Variants in PAG1 observed in about 807,000 individuals in gnomAD.
The protein encoded by PAG1 is phosphoprotein associated with glycosphingolipid-enriched microdomains 1.
In PAG1, 23 loss-of-function variants were observed where a neutral mutation model predicts 31.7. That is an observed-to-expected ratio of 0.73 (90% confidence interval 0.52 to 1.03). PAG1 has a LOEUF of 1.03. Among genes scored for constraint, PAG1 ranks in the 50% least tolerant of loss-of-function variants. The pLI is 0.00. For missense variants in PAG1, 473 were observed against 540.7 expected (o/e 0.87, Z 1.24); for synonymous variants, 214 against 210.3 (o/e 1.02, Z -0.15).
chr8:81,097,468 T>C (rs182572925), intron 1 of PAG1, among the ~76,000 whole-genome samples: 198 of 152,248 alleles, frequency 1.3e-3, no homozygotes, highest in African/African-American at 4.6e-3. Context: ...AGTTTAGCTC[T>C]TGAAAGCTGG....
intron 3 of PAG1, among the ~76,000 whole-genome samples, chr8:81,019,008 A>T (rs118185512): frequency 0.023 from 3,437 of 152,302 alleles, 94 homozygotes; most frequent in East Asian, 0.11. Flanking sequence ...ATGGACAATA[A>T]AGTCCCTGCT....
At chr8:81,074,386 T>A (rs1470575861) in intron 1 of PAG1, among the ~76,000 whole-genome samples, 2 of 151,862 alleles carry the variant, frequency 1.3e-5, no homozygotes, top group Non-Finnish European at 2.9e-5. Flanking sequence ...TAACACAAGA[T>A]CATGGAATCT....
At chr8:80,981,862 C>CTTTTTTTTTTTTTT (rs57438015) in intron 7 of PAG1, among the ~76,000 whole-genome samples, 1 of 103,426 alleles carries the variant, frequency 9.7e-6, no homozygotes, top group African/African-American at 5.0e-5. Context: ...ATCTCACTTC[C>CTTTTTTTTTTTTTT]TTTTTTTTTT....
chr8:81,056,334 A>G lies in PAG1; in HGVS notation c.-175+13778T>C, dbSNP rs536444367. Among the ~76,000 whole-genome samples, 8 of 152,348 alleles carry G rather than the reference A, an allele frequency of 5.3e-5. No homozygotes were observed. In the East Asian group the frequency reaches 1.5e-3, roughly 29 times the overall value. On this transcript the variant is annotated intron_variant, in intron 2 of 8. Coordinates refer to ENST00000220597, the MANE Select transcript of PAG1 (RefSeq NM_018440.4). ...ACTTCAAACTATACTACGAGGCTAC[A>G]GTAACCAAAACAGCATGGTACTGGT...
chr8:81,109,216 G>C (rs1275485125), intron 1 of PAG1, among the ~76,000 whole-genome samples: 1 of 152,250 alleles, frequency 6.6e-6, no homozygotes, highest in African/African-American at 2.4e-5. Context: ...CAATAATTAT[G>C]ATCATTTCTG....
intron 2 of PAG1, among the ~76,000 whole-genome samples, chr8:81,056,742 C>T (rs1302724004): frequency 1.3e-5 from 2 of 152,124 alleles, no homozygotes; most frequent in African/African-American, 4.8e-5. Flanking sequence ...AACTAAAGAG[C>T]TTCTGCAGAG....
chr8:81,026,987 C>T (rs1563634371), intron 3 of PAG1, among the ~76,000 whole-genome samples: 1 of 152,086 alleles, frequency 6.6e-6, no homozygotes, highest in Non-Finnish European at 1.5e-5. Flanking sequence ...TGATGTACTT[C>T]AAAATATCAT....
rs577055058 is a variant in PAG1 at position 81,014,023 on chromosome 8, A to C, written c.-81+15973T>G. On this transcript the variant is annotated intron_variant, in intron 3 of 8. Coordinates refer to ENST00000220597, the MANE Select transcript of PAG1 (RefSeq NM_018440.4). The stretch of plus-strand genomic sequence containing the variant: ...TTGCATTGACATTTTATTTACTAAA[A>C]AATCATTGCGGTAATTTAAAATATT... 5.3e-5 allele frequency among the ~76,000 whole-genome samples: 8 copies of C among 152,334 alleles called. No homozygotes were observed. In the South Asian group the frequency reaches 1.7e-3, roughly 32 times the overall value.
intron 2 of PAG1, among the ~76,000 whole-genome samples, chr8:81,055,125 G>A (rs1808796562): frequency 6.8e-6 from 1 of 146,902 alleles, no homozygotes; most frequent in African/African-American, 2.6e-5. Context: ...GTGAGGCAGT[G>A]CAATGATAGT....
At chr8:81,052,374 G>A (rs1274712920) in intron 2 of PAG1, among the ~76,000 whole-genome samples, 2 of 152,134 alleles carry the variant, frequency 1.3e-5, no homozygotes, top group Non-Finnish European at 2.9e-5. Flanking sequence ...AAGTTCAGTA[G>A]CCCCCACCAC....
intron 1 of PAG1, among the ~76,000 whole-genome samples, chr8:81,092,367 A>T (rs1473874825): frequency 6.6e-6 from 1 of 152,130 alleles, no homozygotes; most frequent in Admixed American, 6.6e-5. Context: ...GCAGGTGACA[A>T]AGCAAGACTC....
In PAG1 at chr8:80,987,485, A is replaced by C. The variant is rs1807449387; in HGVS notation, c.178-19T>G. ...CTGAAGGCTGAAAACAAAAACAAAAACAAAAACAAATGCATCACATTGCTA... is the reference window on the plus strand; with the variant it reads ...CTGAAGGCTGAAAACAAAAACAAAACCAAAAACAAATGCATCACATTGCTA... On this transcript the variant is annotated intron_variant, in intron 5 of 8. Transcript: ENST00000220597. 2 of 1,563,932 alleles carry C rather than the reference A, an allele frequency of 1.3e-6. No homozygotes were observed. The highest frequency in any genetic ancestry group is 2.7e-5 in the African/African-American group (2 of 73,898).
intron 3 of PAG1, among the ~76,000 whole-genome samples, chr8:81,013,287 C>G (rs1808015746): frequency 6.6e-6 from 1 of 152,220 alleles, no homozygotes; most frequent in African/African-American, 2.4e-5. Context: ...GCCTTCATTT[C>G]CCATCAGGTT....
At chr8:81,039,400 C>T (rs1563639030) in intron 2 of PAG1, 1 of 152,210 alleles carries the variant, frequency 6.6e-6, no homozygotes, top group Non-Finnish European at 1.5e-5. Context: ...CAGGGAGAAT[C>T]TCATGTGAAG....
chr8:80,979,489 T>G (rs907411840), intron 8 of PAG1, among the ~76,000 whole-genome samples: 10 of 152,036 alleles, frequency 6.6e-5, no homozygotes, highest in Non-Finnish European at 8.8e-5. Context: ...GACCCCTAGG[T>G]TTTGGTCTGT....
At chr8:80,985,484 T>C in intron 6 of PAG1, 107 bp from the exon 7 acceptor site, 2 of 1,180,110 alleles carry the variant, frequency 1.7e-6, no homozygotes, top group Non-Finnish European at 2.3e-6. Flanking sequence ...GTGCTTTTTA[T>C]TTAAGTCTCA....
chr8:81,085,614 G>A (rs1057390553), intron 1 of PAG1, among the ~76,000 whole-genome samples: 1 of 152,194 alleles, frequency 6.6e-6, no homozygotes, highest in African/African-American at 2.4e-5. Flanking sequence ...TTTACCAACA[G>A]AGAGGAATAG....
chr8:81,038,233 G>C (rs889842797), intron 2 of PAG1, among the ~76,000 whole-genome samples: 7 of 152,310 alleles, frequency 4.6e-5, no homozygotes, highest in South Asian at 2.1e-4. Flanking sequence ...TGTGGGGTCA[G>C]TAACTAACTT....
At chr8:81,012,874 T>A (rs888222547) in intron 3 of PAG1, among the ~76,000 whole-genome samples, 1 of 152,244 alleles carries the variant, frequency 6.6e-6, no homozygotes, top group Non-Finnish European at 1.5e-5. Context: ...CAAACTCGCA[T>A]TGATCAAGCC....
Sources: gnomAD v4.1 joint callset for allele counts (sites outside exome capture counted in the v4.1 genomes callset) on GRCh38, gnomAD v4.1.1 for gene constraint, MANE v1.5 for transcripts, NCBI Gene and HGNC (gene_info 2026-07-23, HGNC 2026-07-21) for gene names.